GPR160: variants seen among roughly 807,000 people sequenced by gnomAD.
GPR160 encodes the protein G protein-coupled receptor 160, also known as probable G protein-coupled receptor 160.
In GPR160, 2 loss-of-function variants were observed where a neutral mutation model predicts 2.6. That is an observed-to-expected ratio of 0.77 (90% CI 0.32 to 2.44). GPR160 has a LOEUF of 2.44. GPR160 is among the 30% of genes most tolerant of loss of function. The pLI is 0.11. For missense variants in GPR160, 351 were observed against 383.6 expected, an observed-to-expected ratio of 0.91 and a Z score of 0.71; for synonymous variants, 130 against 132.2, an observed-to-expected ratio of 0.98 and a Z score of 0.12.
At chr3:170,041,074 A>G (rs1035134207) in intron 2 of GPR160, among the ~76,000 whole-genome samples, 2 of 152,154 alleles carry the variant, frequency 1.3e-5, no homozygotes, top group Admixed American at 1.3e-4. Context: ...TGATTCTGAG[A>G]GGGAGCTGTT....
intron 2 of GPR160, among the ~76,000 whole-genome samples, chr3:170,067,242 C>G (rs776702933): frequency 6.6e-6 from 1 of 152,092 alleles, no homozygotes; most frequent in Non-Finnish European, 1.5e-5. Flanking sequence ...TGGACTCAAA[C>G]GATCCTTCTG....
At chr3:170,056,010 T>C (rs907626902) in intron 2 of GPR160, among the ~76,000 whole-genome samples, 13 of 152,250 alleles carry the variant, frequency 8.5e-5, no homozygotes, top group African/African-American at 3.1e-4. Flanking sequence ...ACAACTGTTC[T>C]TATAATCCTT....
At chr3:170,043,159 A>G (rs947366209) in intron 2 of GPR160, among the ~76,000 whole-genome samples, 3 of 151,472 alleles carry the variant, frequency 2.0e-5, no homozygotes, top group South Asian at 2.1e-4. Context: ...GGGATTACAG[A>G]CATTCACACA....
At chr3:170,061,307 A>G (rs1711942291) in intron 2 of GPR160, among the ~76,000 whole-genome samples, 1 of 151,728 alleles carries the variant, frequency 6.6e-6, no homozygotes, top group South Asian at 2.1e-4. Flanking sequence ...AAAAACAACA[A>G]CAACAACAAA....
chr3:170,082,103 A>G (rs1489187687), intron 3 of GPR160, among the ~76,000 whole-genome samples: 1 of 152,094 alleles, frequency 6.6e-6, no homozygotes, highest in Non-Finnish European at 1.5e-5. Context: ...TCAAAACTCC[A>G]TTTTTTTCCT....
intron 3 of GPR160, chr3:170,083,366 T>C (rs1321256807): frequency 6.6e-6 from 1 of 152,222 alleles, no homozygotes; most frequent in Non-Finnish European, 1.5e-5. Context: ...TATTTTTAGC[T>C]GAAACCACCT....
At chr3:170,082,762 A>ATTTT (rs536711258) in intron 3 of GPR160, among the ~76,000 whole-genome samples, 1 of 140,968 alleles carries the variant, frequency 7.1e-6, no homozygotes, top group Non-Finnish European at 1.6e-5. Flanking sequence ...TGCCCAGGTA[A>ATTTT]TTTTTTTTTT....
intron 2 of GPR160, among the ~76,000 whole-genome samples, chr3:170,061,156 T>C (rs1394502769): frequency 2.0e-5 from 3 of 151,746 alleles, no homozygotes; most frequent in African/African-American, 4.8e-5. Context: ...GCACCTGTAA[T>C]CCCAGCTACT....
intron 2 of GPR160, among the ~76,000 whole-genome samples, chr3:170,056,854 C>T (rs1410500041): frequency 1.3e-5 from 2 of 152,114 alleles, no homozygotes; most frequent in African/African-American, 2.4e-5. Flanking sequence ...GTAGTTGAAC[C>T]ATCACAGTAA....
intron 2 of GPR160, among the ~76,000 whole-genome samples, chr3:170,063,482 C>T (rs1402584006): frequency 7.0e-6 from 1 of 143,548 alleles, no homozygotes; most frequent in Non-Finnish European, 1.5e-5. Context: ...TGCGGTGAGC[C>T]GAGATCCCGC....
intron 2 of GPR160, among the ~76,000 whole-genome samples, chr3:170,070,317 A>C (rs2287478): frequency 0.11 from 16,643 of 152,214 alleles, 965 homozygotes; most frequent in Middle Eastern, 0.16. Context: ...GGGGTCATTA[A>C]ATAAGTTATT....
chr3:170,057,544 ATAAC>A (rs1559985099), intron 2 of GPR160: 1 of 152,380 alleles, frequency 6.6e-6, no homozygotes, highest in Middle Eastern at 3.4e-3. Flanking sequence ...AATTGGGAGA[ATAAC>A]TAAGTTTCTT....
intron 2 of GPR160, among the ~76,000 whole-genome samples, chr3:170,045,166 G>A (rs73028683): frequency 0.046 from 6,926 of 152,016 alleles, 550 homozygotes; most frequent in African/African-American, 0.16. Context: ...GAAATGTCAG[G>A]TGCTGTTGTG....
At chr3:170,039,430 C>T (rs561338168) in intron 2 of GPR160, among the ~76,000 whole-genome samples, 1 of 152,228 alleles carries the variant, frequency 6.6e-6, no homozygotes, top group South Asian at 2.1e-4. Flanking sequence ...AGATGATGCC[C>T]GAGTGCGGTG....
At chr3:170,078,243 T>G (rs1712961977) in intron 2 of GPR160, among the ~76,000 whole-genome samples, 1 of 152,100 alleles carries the variant, frequency 6.6e-6, no homozygotes, top group Non-Finnish European at 1.5e-5. Context: ...AGTAACATCT[T>G]TAACATTATG....
Position 170,084,981 on chromosome 3 carries a change from ATT to A in GPR160, c.1011_1012del (p.Ile337MetfsTer18). On this transcript the variant is annotated frameshift_variant, in exon 4 of 4. Transcript: ENST00000355897. LOFTEE classifies it high-confidence loss of function. The part of the protein sequence containing the change: ...EQIEKPISIM[I>X]C ...AATTGAAAAGCCTATATCAATAATG[ATT>A]TGTTAATATTATTAATTAAAAGTTA... The A allele has an allele frequency of 7.0e-7, 1 of 1,423,818 alleles. No individual in the cohort carries two copies. Among genetic ancestry groups the A allele is most frequent in the Non-Finnish European group, 9.5e-7 (1 of 1,048,670 alleles). The allele number at this position is 1,423,818 out of a possible 1,614,324, so 88.2% of individuals were successfully genotyped here. A position where few individuals can be genotyped will look rare whatever the true frequency, so the allele number is the denominator to read the frequency against.
At chr3:170,041,237 C>T (rs550566289) in intron 2 of GPR160, among the ~76,000 whole-genome samples, 1 of 151,182 alleles carries the variant, frequency 6.6e-6, no homozygotes. Flanking sequence ...TTGAAGTGTT[C>T]GGTGAATCTC....
intron 2 of GPR160, among the ~76,000 whole-genome samples, chr3:170,076,548 A>T (rs576586254): frequency 4.4e-4 from 66 of 149,238 alleles, no homozygotes; most frequent in East Asian, 1.4e-3. Flanking sequence ...TTTAATTATT[A>T]TTTTTTTTTT....
intron 2 of GPR160, among the ~76,000 whole-genome samples, chr3:170,049,080 C>G (rs1055075596): frequency 2.0e-5 from 3 of 152,120 alleles, no homozygotes; most frequent in Admixed American, 2.0e-4. Flanking sequence ...TGGTTTGCAC[C>G]CTCCTGTCTC....
Sources: gnomAD v4.1 joint callset for allele counts (sites outside exome capture counted in the v4.1 genomes callset) on GRCh38, gnomAD v4.1.1 for gene constraint, MANE v1.5 for transcripts, NCBI Gene and HGNC (gene_info 2026-07-23, HGNC 2026-07-21) for gene names.